The following TMEM154 variants were observed in gnomAD, a reference collection of about 807,000 sequenced individuals.
TMEM154 encodes the protein transmembrane protein 154.
In TMEM154, 27 loss-of-function variants were observed where a neutral mutation model predicts 24.5. The ratio of observed to expected loss-of-function variants is 1.10; its 90% CI spans 0.81 to 1.52. The LOEUF is 1.52. Ranked by LOEUF, TMEM154 falls within the 40% of genes most tolerant of loss-of-function variation. TMEM154 has a pLI of 0.00. For missense variants in TMEM154, 228 were observed against 213.4 expected, an observed-to-expected ratio of 1.07 and a Z score of -0.43; for synonymous variants, 67 against 76.8, an observed-to-expected ratio of 0.87 and a Z score of 0.67.
chr4:152,665,763 G>T (rs1353604748), intron 1 of TMEM154, among the ~76,000 whole-genome samples: 1 of 151,036 alleles, frequency 6.6e-6, no homozygotes, highest in Non-Finnish European at 1.5e-5. Context: ...GATGTAATAG[G>T]TCTGGGAGGG....
intron 3 of TMEM154, among the ~76,000 whole-genome samples, chr4:152,651,037 G>C (rs1728369997): frequency 6.6e-6 from 1 of 152,172 alleles, no homozygotes; most frequent in Non-Finnish European, 1.5e-5. Context: ...TAATTCTTAA[G>C]AGCTGTCAGA....
At chr4:152,646,912 G>A in intron 3 of TMEM154, 1 of 702,212 alleles carries the variant, frequency 1.4e-6, no homozygotes, top group Non-Finnish European at 2.6e-6. Flanking sequence ...TAAAGGGGTA[G>A]TTTATCGCCC....
chr4:152,640,834 C>T (rs926615189), intron 6 of TMEM154, 94 bp downstream of exon 6: 3 of 1,036,712 alleles, frequency 2.9e-6, no homozygotes, highest in Non-Finnish European at 4.4e-6. Flanking sequence ...GAATTATAGG[C>T]ACGGAGGAGG....
At chr4:152,636,285 C>T (rs1490703766) in intron 6 of TMEM154, among the ~76,000 whole-genome samples, 1 of 152,226 alleles carries the variant, frequency 6.6e-6, no homozygotes, top group Non-Finnish European at 1.5e-5. Flanking sequence ...AAATTCTCTT[C>T]AACTTGAGGG....
intron 1 of TMEM154, among the ~76,000 whole-genome samples, chr4:152,661,447 G>A (rs574961569): frequency 1.3e-5 from 2 of 151,624 alleles, no homozygotes; most frequent in African/African-American, 2.4e-5. Flanking sequence ...TATCTAATTC[G>A]ATCTTCACAA....
At chr4:152,671,575 G>A (rs1389761584) in intron 1 of TMEM154, among the ~76,000 whole-genome samples, 2 of 150,642 alleles carry the variant, frequency 1.3e-5, no homozygotes, top group Non-Finnish European at 3.0e-5. Context: ...GTGAAACCCC[G>A]TCTCTACTAA....
chr4:152,669,720 C>T (rs888972771), intron 1 of TMEM154: 2 of 152,088 alleles, frequency 1.3e-5, no homozygotes, highest in African/African-American at 4.8e-5. Context: ...ACCTTGGCAA[C>T]CATTGGAATC....
At chr4:152,638,371 C>G (rs1752188248) in intron 6 of TMEM154, among the ~76,000 whole-genome samples, 1 of 152,214 alleles carries the variant, frequency 6.6e-6, no homozygotes, top group Non-Finnish European at 1.5e-5. Flanking sequence ...AACTGAAAGT[C>G]TCATAGTAGA....
At chr4:152,637,066 C>T (rs116026481) in intron 6 of TMEM154, among the ~76,000 whole-genome samples, 33 of 151,828 alleles carry the variant, frequency 2.2e-4, no homozygotes, top group African/African-American at 7.3e-4. Context: ...TGATGGGGGA[C>T]GTTGATAATG....
At chr4:152,658,368 G>A (rs1026153095) in intron 1 of TMEM154, among the ~76,000 whole-genome samples, 1 of 152,040 alleles carries the variant, frequency 6.6e-6, no homozygotes, top group African/African-American at 2.4e-5. Context: ...ATCTAGTGAT[G>A]CATCTCAAGG....
chr4:152,661,437 T>C (rs953961058), intron 1 of TMEM154, among the ~76,000 whole-genome samples: 12 of 152,044 alleles, frequency 7.9e-5, no homozygotes, highest in African/African-American at 2.2e-4. Context: ...ACACATGTGC[T>C]ATCTAATTCG....
chr4:152,625,140 A>G lies in TMEM154; in HGVS notation c.*3406T>C, dbSNP rs1336268824. 1 of 152,234 alleles carries G rather than the reference A, an allele frequency of 6.6e-6. No homozygotes were observed. Among genetic ancestry groups the G allele is most frequent in the African/African-American group, 2.4e-5 (1 of 41,460 alleles). The allele number at this position is 152,234 out of a possible 1,614,324, so 9.4% of individuals were successfully genotyped here. A position where few individuals can be genotyped will look rare whatever the true frequency, so the allele number is the denominator to read the frequency against. ...ATTAATAGTTTAAACCACCAAAATA[A>G]AAGAATAGACAAGTATTTTCTTAAC... On this transcript the variant is annotated 3_prime_UTR_variant, in exon 7 of 7. Transcript: ENST00000304385.
chr4:152,631,943 T>A (rs141581072), intron 6 of TMEM154, among the ~76,000 whole-genome samples: 2,185 of 151,916 alleles, frequency 0.014, 53 homozygotes, highest in African/African-American at 0.05. Flanking sequence ...TAGCTGGGAC[T>A]ACAGGTGTCT....
intron 6 of TMEM154, among the ~76,000 whole-genome samples, chr4:152,630,079 T>G (rs1163613656): frequency 6.6e-6 from 1 of 152,008 alleles, no homozygotes; most frequent in Non-Finnish European, 1.5e-5. Context: ...TTTGGGAGGC[T>G]GAGGCAGGAG....
intron 1 of TMEM154, among the ~76,000 whole-genome samples, chr4:152,660,840 G>T (rs1167177722): frequency 6.6e-6 from 1 of 152,172 alleles, no homozygotes; most frequent in Non-Finnish European, 1.5e-5. Flanking sequence ...TCTTGCTAAG[G>T]CTCCTCAGCT....
intron 6 of TMEM154, among the ~76,000 whole-genome samples, chr4:152,636,066 G>C (rs541444198): frequency 2.0e-5 from 3 of 152,326 alleles, no homozygotes; most frequent in South Asian, 4.1e-4. Context: ...GAAGGAAGAG[G>C]CTGGCTAGAT....
intron 1 of TMEM154, chr4:152,668,499 AGGGTG>A (rs1281930799): frequency 6.6e-6 from 1 of 152,198 alleles, no homozygotes; most frequent in Non-Finnish European, 1.5e-5. Context: ...CCTCTGAGGC[AGGGTG>A]GGAAGACACC....
chr4:152,649,937 G>A (rs767657655), intron 3 of TMEM154, among the ~76,000 whole-genome samples: 33 of 152,328 alleles, frequency 2.2e-4, no homozygotes, highest in Middle Eastern at 6.8e-3. Context: ...CCTATTAAGT[G>A]TGCAACATTG....
At chr4:152,673,240 T>C (rs1728882590) in intron 1 of TMEM154, among the ~76,000 whole-genome samples, 2 of 152,206 alleles carry the variant, frequency 1.3e-5, no homozygotes, top group Non-Finnish European at 2.9e-5. Context: ...AATTATTCTA[T>C]GCATAGTAAT....
Sources: allele counts gnomAD v4.1 joint callset (sites outside exome capture counted in the v4.1 genomes callset), GRCh38; gene constraint gnomAD v4.1.1; transcripts MANE v1.5; gene names NCBI Gene and HGNC (gene_info 2026-07-23, HGNC 2026-07-21).